ADAMTS3: variants seen among roughly 807,000 people sequenced by gnomAD.
ADAMTS3 encodes the protein ADAM metallopeptidase with thrombospondin type 1 motif 3.
Under a neutral mutation model 129.0 loss-of-function variants are expected in ADAMTS3, and 73 were observed. The observed-to-expected ratio is 0.57, with a 90% CI of 0.47 to 0.69. The LOEUF (loss-of-function observed/expected upper bound fraction) is 0.69. Ranked by LOEUF, ADAMTS3 falls within the 30% of genes least tolerant of loss-of-function variation. The probability of loss-of-function intolerance (pLI) is 0.00; values close to 1 mark genes in which losing one functional copy is unlikely to be tolerated. For missense variants in ADAMTS3, 1,457 were observed against 1,514.5 expected (o/e 0.96, Z 0.63); for synonymous variants, 477 against 510.8 (o/e 0.93, Z 0.89).
rs541030867 is a variant in ADAMTS3, at chr4:72,425,555, A to G, written c.505-10584T>C. 4.6e-5 allele frequency among the ~76,000 whole-genome samples: 7 copies of G among 152,118 alleles called. No homozygotes were observed. In the East Asian group the frequency reaches 9.7e-4, roughly 21 times the overall value. Reference sequence around the variant, plus strand: ...TGTGTCCATGTGTTCTCATTGTTCAATTCCCATCTATGAGTGAGAACATGC... The same window carrying G: ...TGTGTCCATGTGTTCTCATTGTTCAGTTCCCATCTATGAGTGAGAACATGC... On this transcript the variant is annotated intron_variant, in intron 3 of 21. Transcript: ENST00000286657.
intron 4 of ADAMTS3, among the ~76,000 whole-genome samples, chr4:72,370,088 C>T (rs1720966237): frequency 6.6e-6 from 1 of 152,136 alleles, no homozygotes; most frequent in African/African-American, 2.4e-5. Context: ...TAGACAATCG[C>T]AAAAACAAGT....
intron 3 of ADAMTS3, among the ~76,000 whole-genome samples, chr4:72,506,001 G>C (rs901485720): frequency 6.6e-6 from 1 of 152,204 alleles, no homozygotes; most frequent in African/African-American, 2.4e-5. Flanking sequence ...GCAAATGAGG[G>C]CTTCCAATGC....
Position 72,568,787 on chromosome 4 carries a change from T to C in ADAMTS3, c.-25A>G, listed in dbSNP as rs770330371. The C allele has an allele frequency of 2.5e-6, 4 of 1,598,672 alleles. No homozygotes were observed. The highest frequency in any genetic ancestry group is 2.2e-5 in the South Asian group (2 of 90,666). ...TCACGAGTCGAGTTCACTTTCCAAC[T>C]ACTGGGCAAAGCAAATGCCCAGAGC... On this transcript the variant is annotated 5_prime_UTR_variant, in exon 1 of 22. Coordinates refer to ENST00000286657, the MANE Select transcript of ADAMTS3 (RefSeq NM_014243.3).
chr4:72,414,692 T>A (rs1471307781), intron 4 of ADAMTS3, 123 bp downstream of exon 4: 1 of 713,936 alleles, frequency 1.4e-6, no homozygotes. Context: ...AATGTAAACT[T>A]CTTTTTCTAT....
intron 3 of ADAMTS3, among the ~76,000 whole-genome samples, chr4:72,449,071 T>C (rs1031523607): frequency 3.3e-5 from 5 of 151,664 alleles, no homozygotes; most frequent in Non-Finnish European, 7.4e-5. Context: ...ACTCTCCTTA[T>C]TTTCCCCCAG....
chr4:72,472,606 A>C (rs774456068), intron 3 of ADAMTS3, among the ~76,000 whole-genome samples: 1 of 152,128 alleles, frequency 6.6e-6, no homozygotes, highest in Non-Finnish European at 1.5e-5. Flanking sequence ...TTTAATAAGG[A>C]GACATTAAAA....
intron 3 of ADAMTS3, among the ~76,000 whole-genome samples, chr4:72,450,866 C>A (rs1178810137): frequency 1.3e-5 from 2 of 150,736 alleles, no homozygotes; most frequent in South Asian, 4.2e-4. Flanking sequence ...CACATCACTA[C>A]CCCCAAAACA....
chr4:72,400,125 CGTGTGTATATATGCACACATGGTGTGTAT>C (rs1721862971), intron 4 of ADAMTS3, among the ~76,000 whole-genome samples: 2 of 90,214 alleles, frequency 2.2e-5, no homozygotes, highest in Non-Finnish European at 4.5e-5. Context: ...TGTGTATATA[CGTGTGTATATATGCACACATGGTGTGTAT>C]ATATATGTGT....
chr4:72,528,521 T>TAAAA (rs11324929), intron 3 of ADAMTS3, among the ~76,000 whole-genome samples: 4 of 89,678 alleles, frequency 4.5e-5, no homozygotes, highest in Non-Finnish European at 5.6e-5. Flanking sequence ...AAGTGAAAAC[T>TAAAA]AAAAAAAAAA....
intron 21 of ADAMTS3, among the ~76,000 whole-genome samples, chr4:72,284,210 T>G (rs1174901616): frequency 6.6e-6 from 1 of 152,156 alleles, no homozygotes; most frequent in Non-Finnish European, 1.5e-5. Context: ...AATACCATCT[T>G]GATTTAAAAA....
intron 3 of ADAMTS3, among the ~76,000 whole-genome samples, chr4:72,525,836 A>G (rs1720791902): frequency 6.6e-6 from 1 of 152,068 alleles, no homozygotes; most frequent in African/African-American, 2.4e-5. Flanking sequence ...TGATATTTGC[A>G]TTTTCTAGCA....
chr4:72,532,517 ACACG>A (rs999486369), intron 3 of ADAMTS3, among the ~76,000 whole-genome samples: 9 of 145,334 alleles, frequency 6.2e-5, no homozygotes, highest in Non-Finnish European at 1.1e-4. Context: ...ACACACACAC[ACACG>A]TATAACTTTA....
At chr4:72,440,422 G>GA (rs966436407) in intron 3 of ADAMTS3, among the ~76,000 whole-genome samples, 4 of 151,672 alleles carry the variant, frequency 2.6e-5, no homozygotes, top group African/African-American at 7.3e-5. Context: ...TTGCATAGGG[G>GA]AAAAAAATCA....
chr4:72,464,479 T>C (rs1718866142), intron 3 of ADAMTS3, among the ~76,000 whole-genome samples: 1 of 152,016 alleles, frequency 6.6e-6, no homozygotes, highest in South Asian at 2.1e-4. Flanking sequence ...AGGGCTAAAT[T>C]GTGAAATCTA....
intron 17 of ADAMTS3, 47 bp from the exon 18 acceptor site, chr4:72,298,489 A>T (rs769942073): frequency 5.0e-6 from 7 of 1,408,552 alleles, no homozygotes; most frequent in Non-Finnish European, 6.7e-6. Context: ...AGGGTTTTAA[A>T]TTTTGAGTGT....
At chr4:72,544,026 A>G (rs879676968) in intron 3 of ADAMTS3, among the ~76,000 whole-genome samples, 28 of 152,204 alleles carry the variant, frequency 1.8e-4, no homozygotes, top group Admixed American at 1.4e-3. Flanking sequence ...TCAATTATAT[A>G]TTACTGTTTC....
intron 3 of ADAMTS3, among the ~76,000 whole-genome samples, chr4:72,528,521 T>TAAAAAAAA (rs11324929): frequency 2.2e-5 from 2 of 89,684 alleles, no homozygotes; most frequent in African/African-American, 3.1e-5. Context: ...AAGTGAAAAC[T>TAAAAAAAA]AAAAAAAAAA....
rs1203515533 is a variant in ADAMTS3, at chr4:72,436,098, T to G, written c.505-21127A>C. Among the ~76,000 whole-genome samples, 3 of 151,964 alleles carry G rather than the reference T, an allele frequency of 2.0e-5. No homozygotes were observed. In the East Asian group the frequency reaches 5.8e-4, roughly 29 times the overall value. On this transcript the variant is annotated intron_variant, in intron 3 of 21. Transcript: ENST00000286657. ...AGAATGGGAGAAAATTTTTGCAATCTACCCATCTGACAAAGGGCTAATACC... is the reference window on the plus strand; with the variant it reads ...AGAATGGGAGAAAATTTTTGCAATCGACCCATCTGACAAAGGGCTAATACC...
intron 3 of ADAMTS3, among the ~76,000 whole-genome samples, chr4:72,540,605 G>A (rs1245060936): frequency 6.6e-6 from 1 of 152,120 alleles, no homozygotes; most frequent in Non-Finnish European, 1.5e-5. Context: ...CACACCCGGA[G>A]GTCTAGGAGG....
Sources: allele counts gnomAD v4.1 joint callset (sites outside exome capture counted in the v4.1 genomes callset), GRCh38; gene constraint gnomAD v4.1.1; transcripts MANE v1.5; gene names NCBI Gene and HGNC (gene_info 2026-07-23, HGNC 2026-07-21).